Variants in RTN1 observed in about 807,000 individuals in gnomAD.
RTN1 encodes reticulon 1, also known as reticulon-1.
A neutral mutation model predicts 65.5 loss-of-function variants in RTN1; 25 were observed. The ratio of observed to expected loss-of-function variants is 0.38; its 90% CI spans 0.28 to 0.53. The LOEUF (loss-of-function observed/expected upper bound fraction) is 0.53, where lower values mean the gene tolerates loss of function less well. Among genes scored for constraint, RTN1 ranks in the 20% least tolerant of loss-of-function variants. RTN1 has a pLI of 0.79. For synonymous variants in RTN1, 471 were observed against 447.6 expected, an observed-to-expected ratio of 1.05 and a Z score of -0.66; for missense variants, 983 against 1,025.4, an observed-to-expected ratio of 0.96 and a Z score of 0.57.
At chr14:59,615,080 C>T (rs1882065555) in intron 3 of RTN1, among the ~76,000 whole-genome samples, 1 of 152,162 alleles carries the variant, frequency 6.6e-6, no homozygotes, top group Non-Finnish European at 1.5e-5. Flanking sequence ...AAGGGTTAAT[C>T]TTGTAAAAAT....
At chr14:59,659,127 G>GCTT (rs1883187417) in intron 3 of RTN1, among the ~76,000 whole-genome samples, 1 of 151,488 alleles carries the variant, frequency 6.6e-6, no homozygotes, top group Admixed American at 6.6e-5. Flanking sequence ...GTGGAAGAAA[G>GCTT]GATATCAGAG....
intron 1 of RTN1, among the ~76,000 whole-genome samples, chr14:59,797,330 G>T (rs1195155402): frequency 6.6e-6 from 1 of 152,078 alleles, no homozygotes; most frequent in African/African-American, 2.4e-5. Flanking sequence ...AATTCCAGTG[G>T]GTTATGTGTA....
chr14:59,758,084 T>G (rs11848764), intron 1 of RTN1, among the ~76,000 whole-genome samples: 55,656 of 151,974 alleles, frequency 0.37, 10,328 homozygotes, highest in Middle Eastern at 0.45. Context: ...ATCCTTTTAC[T>G]GTCTACACAG....
At chr14:59,734,122 C>T (rs952126030) in intron 2 of RTN1, among the ~76,000 whole-genome samples, 17 of 152,212 alleles carry the variant, frequency 1.1e-4, no homozygotes, top group African/African-American at 3.4e-4. Flanking sequence ...GGAGTGGACC[C>T]CCAAAAAACT....
At chr14:59,615,072 G>A (rs1008912525) in intron 3 of RTN1, among the ~76,000 whole-genome samples, 1 of 152,180 alleles carries the variant, frequency 6.6e-6, no homozygotes, top group Admixed American at 6.5e-5. Flanking sequence ...CAAAGTGAAA[G>A]GGTTAATCTT....
In RTN1 at chr14:59,836,848, G is replaced by T. The variant is rs1020556246; in HGVS notation, c.241+33542C>A. Among the ~76,000 whole-genome samples, 13 of 152,050 alleles carry T rather than the reference G, an allele frequency of 8.5e-5. No homozygotes were observed. Among genetic ancestry groups the T allele is most frequent in the African/African-American group, 3.1e-4 (13 of 41,402 alleles). Reference sequence around the variant, plus strand: ...TGAAAAGGAAGGGAGTGAAGAGGGAGAAATTACAGAACCTATGTTATAAAA... The same window carrying T: ...TGAAAAGGAAGGGAGTGAAGAGGGATAAATTACAGAACCTATGTTATAAAA... On this transcript the variant is annotated intron_variant, in intron 1 of 8. Coordinates refer to ENST00000267484, the MANE Select transcript of RTN1 (RefSeq NM_021136.3). The surrounding 1 kb of genome is among the most constrained non-coding windows in gnomAD (Gnocchi z 4.9).
In RTN1 at chr14:59,611,312, G is replaced by A. The variant is rs182785516; in HGVS notation, c.1766-3820C>T. On this transcript the variant is annotated intron_variant, in intron 3 of 8. Coordinates refer to ENST00000267484, the MANE Select transcript of RTN1 (RefSeq NM_021136.3). ...GCCCAAGTGGCCTCCTAGTTCTCTT[G>A]GACTGGCGGCTGACTCTGGTATTCT... Among the ~76,000 whole-genome samples, 974 of 152,316 alleles carry A rather than the reference G, an allele frequency of 6.4e-3. 5 individuals are homozygous for A. The highest frequency in any genetic ancestry group is 9.8e-3 in the Non-Finnish European group (667 of 68,028).
At chr14:59,763,958 T>G (rs549770942) in intron 1 of RTN1, among the ~76,000 whole-genome samples, 52 of 152,362 alleles carry the variant, frequency 3.4e-4, no homozygotes, top group Non-Finnish European at 6.6e-4. Context: ...GGAGAATAGT[T>G]GCTATTGTGA....
intron 3 of RTN1, among the ~76,000 whole-genome samples, chr14:59,662,233 C>T (rs2140207927): frequency 6.6e-6 from 1 of 151,364 alleles, no homozygotes; most frequent in East Asian, 1.9e-4. Context: ...CATATGTATA[C>T]ACGTGCCATG....
At chr14:59,856,452 C>T (rs1377361586) in intron 1 of RTN1, among the ~76,000 whole-genome samples, 1 of 152,162 alleles carries the variant, frequency 6.6e-6, no homozygotes, top group Non-Finnish European at 1.5e-5. Context: ...CCTGGGACAG[C>T]TTCCTAGGCT....
chr14:59,845,668 TCAC>T (rs961594979), intron 1 of RTN1, among the ~76,000 whole-genome samples: 6 of 152,174 alleles, frequency 3.9e-5, no homozygotes, highest in Admixed American at 3.9e-4. Context: ...TATGGCCTGT[TCAC>T]CAACCCATTC....
chr14:59,641,218 T>C (rs1017191847), intron 3 of RTN1, among the ~76,000 whole-genome samples: 2 of 152,206 alleles, frequency 1.3e-5, no homozygotes, highest in Non-Finnish European at 2.9e-5. Flanking sequence ...TCCACCCACC[T>C]TGGCCTCCCA....
intron 3 of RTN1, among the ~76,000 whole-genome samples, chr14:59,653,594 A>G (rs1176682020): frequency 1.3e-5 from 2 of 152,022 alleles, no homozygotes; most frequent in East Asian, 3.9e-4. Flanking sequence ...TATAAGCAAT[A>G]AAAATATAAG....
intron 1 of RTN1, among the ~76,000 whole-genome samples, chr14:59,748,931 A>C (rs1024995248): frequency 2.0e-4 from 30 of 151,752 alleles, no homozygotes; most frequent in African/African-American, 6.0e-4. Context: ...CTGAGATCAC[A>C]GGCATGTGCC....
intron 3 of RTN1, among the ~76,000 whole-genome samples, chr14:59,654,414 G>T (rs1405061072): frequency 7.1e-6 from 1 of 139,864 alleles, no homozygotes; most frequent in African/African-American, 2.8e-5. Flanking sequence ...GGGTGACAGA[G>T]CGAGACTCTG....
chr14:59,605,421 G>C lies in RTN1; in HGVS notation c.2059C>G (p.Leu687Val). 1 of 1,614,180 alleles carries C rather than the reference G, an allele frequency of 6.2e-7. No homozygotes were observed. The highest frequency in any genetic ancestry group is 8.5e-7 in the Non-Finnish European group (1 of 1,180,006). The change falls in exon 5 of 9, where the codon CTT becomes GTT. Residue 687 changes from leucine to valine, a missense_variant. Leu to Val is a conservative substitution (Grantham distance 32). Around this residue, in one of 2 missense-constraint regions of RTN1, gnomAD observed 165 missense variants for 223.6 expected, o/e 0.74. Coordinates refer to ENST00000267484, the MANE Select transcript of RTN1 (RefSeq NM_021136.3). ...AGGAAGAGCCTCCTCAGTTCCTTAA[G>C]TGTGCTGTTCACGTAGAACTGCAGG... ...DCLQFYVNSTLKELRRLFLVQ... is the reference protein window; with the variant it reads ...DCLQFYVNSTVKELRRLFLVQ...
intron 1 of RTN1, among the ~76,000 whole-genome samples, chr14:59,821,386 A>C (rs900851460): frequency 6.6e-6 from 1 of 152,140 alleles, no homozygotes; most frequent in African/African-American, 2.4e-5. Context: ...AACTTTACTA[A>C]AGTTGTTTAT....
At chr14:59,833,934 A>G (rs1194881291) in intron 1 of RTN1, among the ~76,000 whole-genome samples, 1 of 152,230 alleles carries the variant, frequency 6.6e-6, no homozygotes, top group South Asian at 2.1e-4. Flanking sequence ...CTTAAGAAAA[A>G]CCAAGTTGGA....
At chr14:59,777,816 CAACAACAA>C (rs1886080152) in intron 1 of RTN1, among the ~76,000 whole-genome samples, 1 of 109,270 alleles carries the variant, frequency 9.2e-6, no homozygotes, top group South Asian at 2.5e-4. Context: ...ACAACAACAA[CAACAACAA>C]AAAAAAAAAA....
Sources: gnomAD v4.1 joint callset for allele counts (sites outside exome capture counted in the v4.1 genomes callset) on GRCh38, gnomAD v4.1.1 for gene constraint, gnomAD v4.1.1 regional missense constraint, Gnocchi (gnomAD v3.1) non-coding constraint, MANE v1.5 for transcripts, NCBI Gene and HGNC (gene_info 2026-07-23, HGNC 2026-07-21) for gene names.